Variants in CSMD2 observed in about 807,000 individuals in gnomAD.
CSMD2 encodes CUB and Sushi multiple domains 2.
In CSMD2, 130 loss-of-function variants were observed where a neutral mutation model predicts 398.5. The observed-to-expected ratio is 0.33, with a 90% CI of 0.28 to 0.38. CSMD2 has a LOEUF of 0.38. Among genes scored for constraint, CSMD2 ranks in the 10% least tolerant of loss-of-function variants. The pLI is 1.00. For missense variants in CSMD2, 3,829 were observed against 4,764.9 expected, an observed-to-expected ratio of 0.80 and a Z score of 5.78; for synonymous variants, 1,828 against 1,908.5, an observed-to-expected ratio of 0.96 and a Z score of 1.10.
At chr1:33,924,188 T>C (rs1644044879) in intron 4 of CSMD2, among the ~76,000 whole-genome samples, 1 of 151,900 alleles carries the variant, frequency 6.6e-6, no homozygotes, top group Non-Finnish European at 1.5e-5. Context: ...TTCCTGCAGA[T>C]GACAGGATTT....
chr1:33,523,433 T>G lies in CSMD2; in HGVS notation c.10397-14A>C. On this transcript the variant is annotated splice_polypyrimidine_tract_variant and intron_variant, in intron 66 of 70. Coordinates refer to ENST00000373381, the MANE Select transcript of CSMD2 (RefSeq NM_001281956.2). ...TCTTGTAAGTTCCTGGGAAATAAAG[T>G]TCAGGTGTTACACATGAAAGATATG... 3 of 1,221,976 alleles carry G rather than the reference T, an allele frequency of 2.5e-6. No homozygotes were observed. The highest frequency in any genetic ancestry group is 1.5e-5 in the African/African-American group (1 of 67,002). The allele number at this position is 1,221,976 out of a possible 1,614,324, so 75.7% of individuals were successfully genotyped here. A position where few individuals can be genotyped will look rare whatever the true frequency, so the allele number is the denominator to read the frequency against.
At chr1:33,778,656 T>C (rs753521059) in intron 12 of CSMD2, among the ~76,000 whole-genome samples, 26 of 152,280 alleles carry the variant, frequency 1.7e-4, no homozygotes, top group Non-Finnish European at 3.1e-4. Context: ...AATGCCACAC[T>C]AAGCACTAAA....
intron 25 of CSMD2, among the ~76,000 whole-genome samples, chr1:33,681,745 C>T (rs1255977897): frequency 1.3e-5 from 2 of 152,178 alleles, no homozygotes; most frequent in African/African-American, 2.4e-5. Context: ...GCAGGTAGAT[C>T]ACCTGAGGTC....
chr1:33,842,364 A>G (rs1437122791), intron 6 of CSMD2, among the ~76,000 whole-genome samples: 2 of 152,174 alleles, frequency 1.3e-5, no homozygotes, highest in Non-Finnish European at 2.9e-5. Flanking sequence ...ATCTTCCTAA[A>G]ACGAAAATGT....
At chr1:33,926,478 C>T (rs112264237) in intron 4 of CSMD2, among the ~76,000 whole-genome samples, 5,001 of 152,226 alleles carry the variant, frequency 0.033, 246 homozygotes, top group African/African-American at 0.11. Flanking sequence ...CCTCTGAAGG[C>T]GGCACCTTTA....
At chr1:33,743,251 G>A in intron 14 of CSMD2, 29 bp downstream of exon 14, 1 of 1,548,716 alleles carries the variant, frequency 6.5e-7, no homozygotes, top group Non-Finnish European at 8.8e-7. Flanking sequence ...TCAGATGGAG[G>A]GCCAGCTGGT....
chr1:33,926,556 T>C (rs979679882), intron 4 of CSMD2, among the ~76,000 whole-genome samples: 5 of 152,210 alleles, frequency 3.3e-5, no homozygotes, highest in Non-Finnish European at 7.3e-5. Context: ...CTGTTTTGAT[T>C]GAAGATCCTG....
chr1:34,118,960 C>A (rs1279154880), intron 1 of CSMD2, among the ~76,000 whole-genome samples: 1 of 152,236 alleles, frequency 6.6e-6, no homozygotes, highest in African/African-American at 2.4e-5. Context: ...TAAAGGACCC[C>A]AAATAGCCAA....
intron 10 of CSMD2, among the ~76,000 whole-genome samples, chr1:33,808,978 G>GAAA: frequency 6.7e-6 from 1 of 149,002 alleles, no homozygotes; most frequent in South Asian, 2.1e-4. Flanking sequence ...ATGGAGTCAA[G>GAAA]AAAAAAAAAA....
chr1:33,724,071 G>T (rs1472215270), intron 19 of CSMD2, 126 bp downstream of exon 19: 10 of 688,690 alleles, frequency 1.5e-5, no homozygotes, highest in Non-Finnish European at 2.4e-5. Flanking sequence ...TTGTTGGTGA[G>T]AAAAGTTCAG....
chr1:33,843,800 C>G (rs558406338), intron 6 of CSMD2, among the ~76,000 whole-genome samples: 2 of 152,214 alleles, frequency 1.3e-5, no homozygotes, highest in African/African-American at 4.8e-5. Context: ...CCCTGATCCC[C>G]TCCTCACGCC....
chr1:34,106,969 C>G (rs1174788217), intron 1 of CSMD2, among the ~76,000 whole-genome samples: 2 of 152,224 alleles, frequency 1.3e-5, no homozygotes, highest in Non-Finnish European at 2.9e-5. Flanking sequence ...TAAGCCAACA[C>G]TAGTCAAGGG....
At chr1:33,527,351 T>A (rs528624827) in intron 64 of CSMD2, 93 bp from the exon 65 acceptor site, 1 of 984,800 alleles carries the variant, frequency 1.0e-6, no homozygotes, top group Non-Finnish European at 1.5e-6. Context: ...CTTAGGTCAA[T>A]GGGTTCTTTG....
intron 10 of CSMD2, among the ~76,000 whole-genome samples, chr1:33,810,420 A>G (rs1426429476): frequency 1.3e-5 from 2 of 152,166 alleles, no homozygotes; most frequent in Non-Finnish European, 2.9e-5. Context: ...TAATAAACAC[A>G]CAATTGAGGT....
At chr1:33,914,273 GT>G (rs1280262898) in intron 5 of CSMD2, among the ~76,000 whole-genome samples, 1 of 152,132 alleles carries the variant, frequency 6.6e-6, no homozygotes, top group African/African-American at 2.4e-5. Flanking sequence ...GGAACTGTGT[GT>G]AAGGGGGGAC....
chr1:33,567,959 T>A (rs1659213792), intron 52 of CSMD2, 118 bp from the exon 53 acceptor site: 1 of 1,276,190 alleles, frequency 7.8e-7, no homozygotes, highest in South Asian at 1.5e-5. Context: ...ATGACAAAAA[T>A]AGTGTTGAGG....
chr1:33,765,397 T>TGACTC (rs1269471672), intron 13 of CSMD2, among the ~76,000 whole-genome samples: 3 of 152,120 alleles, frequency 2.0e-5, no homozygotes, highest in Non-Finnish European at 2.9e-5. Context: ...AACAAAGTGG[T>TGACTC]GACTCAAGAA....
chr1:34,039,072 G>A (rs1348211559), intron 2 of CSMD2, among the ~76,000 whole-genome samples: 2 of 152,082 alleles, frequency 1.3e-5, no homozygotes, highest in East Asian at 3.9e-4. Flanking sequence ...TTCTAGAAAG[G>A]TGCATTCCTG....
intron 12 of CSMD2, among the ~76,000 whole-genome samples, chr1:33,779,452 C>T (rs970996719): frequency 6.6e-6 from 1 of 152,174 alleles, no homozygotes; most frequent in African/African-American, 2.4e-5. Context: ...AGCTTCTGTA[C>T]ACAAGATAAT....
Sources: gnomAD v4.1 joint callset for allele counts (sites outside exome capture counted in the v4.1 genomes callset) on GRCh38, gnomAD v4.1.1 for gene constraint, MANE v1.5 for transcripts, NCBI Gene and HGNC (gene_info 2026-07-23, HGNC 2026-07-21) for gene names.